The following FNDC3B variants were observed in gnomAD, a reference collection of about 807,000 sequenced individuals.
FNDC3B encodes the protein fibronectin type III domain containing 3B.
FNDC3B carries 12 observed loss-of-function variants against 151.5 expected under a neutral mutation model. That is an observed-to-expected ratio of 0.08 (90% CI 0.05 to 0.13). The LOEUF (loss-of-function observed/expected upper bound fraction) is 0.13, where lower values mean the gene tolerates loss of function less well. Ranked by LOEUF, FNDC3B falls within the 10% of genes least tolerant of loss-of-function variation. The probability of loss-of-function intolerance (pLI) is 1.00; values close to 1 mark genes in which losing one functional copy is unlikely to be tolerated. For missense variants in FNDC3B, 1,214 were observed against 1,505.3 expected (o/e 0.81, Z 3.20); for synonymous variants, 528 against 549.0 (o/e 0.96, Z 0.54).
chr3:172,156,912 G>T (rs568528525), intron 3 of FNDC3B, among the ~76,000 whole-genome samples: 1 of 151,922 alleles, frequency 6.6e-6, no homozygotes, highest in South Asian at 2.1e-4. Context: ...TCAATATTCC[G>T]GTCTGCATGG....
At position 172,353,058 on chromosome 3, in the gene FNDC3B, G is replaced by A. The variant is rs774949769; in HGVS notation, c.2770G>A (p.Asp924Asn). 6.2e-7 allele frequency: 1 copy of A among 1,614,010 alleles called. No individual in the cohort carries two copies. The highest frequency in any genetic ancestry group is 1.1e-5 in the South Asian group (1 of 91,078). Residue 924 changes from aspartate (D) to asparagine (N), a missense_variant, in exon 22 of 26, where the codon GAT (aspartate) becomes AAT (asparagine). By Grantham distance (23) the Asp-to-Asn change is conservative. This residue lies in a region of FNDC3B where 284 missense variants were observed against 392.4 expected (regional missense o/e 0.72). Coordinates refer to ENST00000415807, the MANE Select transcript of FNDC3B (RefSeq NM_022763.4). ...VGNTTMHVMKDLLPETTYRIR... is the reference protein window; with the variant it reads ...VGNTTMHVMKNLLPETTYRIR... ...CAACACCACCATGCATGTTATGAAAGATCTCCTTCCAGAAACCACCTACCG... is the reference window on the plus strand; with the variant it reads ...CAACACCACCATGCATGTTATGAAAAATCTCCTTCCAGAAACCACCTACCG...
intron 3 of FNDC3B, among the ~76,000 whole-genome samples, chr3:172,207,868 A>C (rs1398487814): frequency 1.3e-5 from 2 of 152,230 alleles, no homozygotes; most frequent in East Asian, 3.8e-4. Context: ...AATCACTTGA[A>C]TCCGAGAGAA....
At chr3:172,255,363 G>GT (rs1728278752) in intron 6 of FNDC3B, among the ~76,000 whole-genome samples, 1 of 152,096 alleles carries the variant, frequency 6.6e-6, no homozygotes, top group African/African-American at 2.4e-5. Flanking sequence ...CTGCCTCCCA[G>GT]GTTCAAGCGA....
intron 11 of FNDC3B, among the ~76,000 whole-genome samples, chr3:172,328,011 T>C (rs1732446876): frequency 6.6e-6 from 1 of 152,232 alleles, no homozygotes; most frequent in African/African-American, 2.4e-5. Context: ...AATGTGGATA[T>C]GGGTAGGAAA....
chr3:172,351,501 C>A (rs1576937804), intron 21 of FNDC3B, among the ~76,000 whole-genome samples: 2 of 152,162 alleles, frequency 1.3e-5, no homozygotes. Flanking sequence ...ATCATATAGT[C>A]CTGTAGGGTT....
chr3:172,181,848 A>G (rs1259134681), intron 3 of FNDC3B, among the ~76,000 whole-genome samples: 1 of 151,532 alleles, frequency 6.6e-6, no homozygotes, highest in Admixed American at 6.6e-5. Context: ...AAAAAAAAAA[A>G]AAAGATTTTC....
At chr3:172,132,252 G>C (rs1015903929) in intron 2 of FNDC3B, among the ~76,000 whole-genome samples, 1 of 152,158 alleles carries the variant, frequency 6.6e-6, no homozygotes, top group East Asian at 1.9e-4. Context: ...GAAACAGTAT[G>C]CTTGACAGTT....
intron 3 of FNDC3B, among the ~76,000 whole-genome samples, chr3:172,148,917 G>T (rs1291016964): frequency 6.6e-6 from 1 of 152,210 alleles, no homozygotes; most frequent in South Asian, 2.1e-4. Context: ...AGAACAACAG[G>T]TGCATTCTAC....
Position 172,295,419 on chromosome 3 carries a change from T to G in FNDC3B, c.906T>G (p.Leu302=), listed in dbSNP as rs1252146469. ...VVLSWAPPVG[L]SCGPHSGLSF... ...TGTCCTGGGCTCCCCCTGTTGGACT[T>G]TCCTGTGGACCCCACAGTGGTCTTT... Residue 302 remains leucine (L), a synonymous_variant, in exon 8 of 26, where the codon CTT becomes CTG. Transcript: ENST00000415807. 1 of 1,614,138 alleles carries G rather than the reference T, an allele frequency of 6.2e-7. No homozygotes were observed. The highest frequency in any genetic ancestry group is 8.5e-7 in the Non-Finnish European group (1 of 1,179,952).
At chr3:172,375,711 G>A (rs1735096079) in intron 23 of FNDC3B, among the ~76,000 whole-genome samples, 1 of 152,132 alleles carries the variant, frequency 6.6e-6, no homozygotes, top group Non-Finnish European at 1.5e-5. Context: ...TATTGCCGGA[G>A]TAGACAGTGG....
chr3:172,248,368 G>T (rs1727894284), intron 5 of FNDC3B, among the ~76,000 whole-genome samples: 1 of 152,122 alleles, frequency 6.6e-6, no homozygotes. Context: ...TTCACTGATT[G>T]TTAGGCAAAT....
At chr3:172,061,711 T>A (rs1332960246) in intron 1 of FNDC3B, among the ~76,000 whole-genome samples, 2 of 152,254 alleles carry the variant, frequency 1.3e-5, no homozygotes, top group Non-Finnish European at 2.9e-5. Context: ...CTCTTTTGTT[T>A]CTTTCTTTAA....
chr3:172,048,625 G>A (rs1009505207), intron 1 of FNDC3B, among the ~76,000 whole-genome samples: 1 of 152,076 alleles, frequency 6.6e-6, no homozygotes, highest in African/African-American at 2.4e-5. Context: ...AAGAAAGCAG[G>A]GACTCAGGTA....
intron 2 of FNDC3B, 74 bp from the exon 3 acceptor site, chr3:172,133,397 A>G: frequency 1.7e-6 from 2 of 1,147,136 alleles, no homozygotes; most frequent in Non-Finnish European, 2.6e-6. Flanking sequence ...TCTAGTATAT[A>G]AATTTAGGTA....
intron 6 of FNDC3B, among the ~76,000 whole-genome samples, chr3:172,253,261 T>TTGA: frequency 6.6e-6 from 1 of 152,320 alleles, no homozygotes; most frequent in Non-Finnish European, 1.5e-5. Context: ...AAGGAAAATA[T>TTGA]TAATAAGATG....
intron 3 of FNDC3B, among the ~76,000 whole-genome samples, chr3:172,196,053 G>T (rs558300837): frequency 6.6e-6 from 1 of 152,326 alleles, no homozygotes; most frequent in African/African-American, 2.4e-5. Context: ...TTTCTGGGGA[G>T]CTGTGAGTTG....
intron 5 of FNDC3B, among the ~76,000 whole-genome samples, 154 bp from the exon 6 acceptor site, chr3:172,251,106 T>C (rs945755785): frequency 1.3e-5 from 2 of 152,148 alleles, no homozygotes; most frequent in African/African-American, 4.8e-5. Context: ...CCCAGCAGTA[T>C]TTTCTTAAAA....
chr3:172,090,643 T>C (rs1268632653), intron 1 of FNDC3B, among the ~76,000 whole-genome samples: 1 of 152,070 alleles, frequency 6.6e-6, no homozygotes, highest in African/African-American at 2.4e-5. Flanking sequence ...AGGATCCAGC[T>C]CACAAAACTA....
chr3:172,339,814 G>A (rs189261208), intron 16 of FNDC3B, among the ~76,000 whole-genome samples: 3 of 152,268 alleles, frequency 2.0e-5, no homozygotes, highest in Admixed American at 6.5e-5. Flanking sequence ...AGTAATCCTT[G>A]CTCCCAGTCA....
Sources: allele counts gnomAD v4.1 joint callset (sites outside exome capture counted in the v4.1 genomes callset), GRCh38; gene constraint gnomAD v4.1.1; regional missense constraint gnomAD v4.1.1; transcripts MANE v1.5; gene names NCBI Gene and HGNC (gene_info 2026-07-23, HGNC 2026-07-21).